Variants in KRT10 observed in about 807,000 individuals in gnomAD.
KRT10 encodes the protein keratin 10.
In KRT10, 40 loss-of-function variants were observed where a neutral mutation model predicts 59.2. The observed-to-expected ratio is 0.68, with a 90% CI of 0.52 to 0.88. KRT10 has a LOEUF of 0.88. Among genes scored for constraint, KRT10 ranks in the 40% least tolerant of loss-of-function variants. The pLI, the probability that KRT10 is intolerant of heterozygous loss-of-function variation, is 0.00. For synonymous variants in KRT10, 336 were observed against 310.7 expected (o/e 1.08, Z -0.86); for missense variants, 719 against 749.1 (o/e 0.96, Z 0.47).
At position 40,819,035 on chromosome 17, in the gene KRT10, TCCGTAGCCGCCGCCGGAACTGCCG is replaced by T. The variant is rs777775475; in HGVS notation, c.1476_1499del (p.Ser494_Gly501del). Reference sequence around the variant, plus strand: ...AGCTTCCGCCGCCGGAGCTTCCGCCTCCGTAGCCGCCGCCGGAACTGCCGCCGTGGCCGCCGCCGTGGCCGCCGC... The same window carrying T: ...AGCTTCCGCCGCCGGAGCTTCCGCCTCCGTGGCCGCCGCCGTGGCCGCCGC... On this transcript the variant is annotated inframe_deletion, in exon 7 of 8. Transcript: ENST00000269576. 29 of 1,318,676 alleles carry T rather than the reference TCCGTAGCCGCCGCCGGAACTGCCG, an allele frequency of 2.2e-5. No individual in the cohort carries two copies. In the Admixed American group the frequency reaches 2.7e-4, roughly 12 times the overall value. 81.7% of individuals were successfully genotyped at this position (1,318,676 alleles called of 1,614,324 possible).
In KRT10 at chr17:40,822,560, T is replaced by C. The variant is rs1439412846; in HGVS notation, c.26A>G (p.Lys9Arg). 1.9e-6 allele frequency: 3 copies of C among 1,603,802 alleles called. No individual in the cohort carries two copies. Among genetic ancestry groups the C allele is most frequent in the Non-Finnish European group, 2.5e-6 (3 of 1,179,956 alleles). MSVRYSSS[K>R]HYSSSRSGGG... is the part of the protein sequence containing the mutation. ...TCCACTGCGGGAGGAAGAGTAGTGCTTGCTTGAGCTGTATCGAACAGACAT... is the reference window on the plus strand; with the variant it reads ...TCCACTGCGGGAGGAAGAGTAGTGCCTGCTTGAGCTGTATCGAACAGACAT... Residue 9 changes from lysine (K) to arginine (R), a missense_variant, in exon 1 of 8, where the codon AAG becomes AGG. This residue lies in a region of KRT10 where 176 missense variants were observed against 175.7 expected (regional missense o/e 1.00). Transcript: ENST00000269576.
In KRT10 at chr17:40,818,234, A is replaced by G; in HGVS notation, c.*242T>C. The G allele has an allele frequency of 2.1e-6, 1 of 484,510 alleles. No individual in the cohort carries two copies. The allele number at this position is 484,510 out of a possible 1,614,324, so 30.0% of individuals were successfully genotyped here. A position where few individuals can be genotyped will look rare whatever the true frequency, so the allele number is the denominator to read the frequency against. On this transcript the variant is annotated 3_prime_UTR_variant, in exon 8 of 8. Transcript: ENST00000269576. ...AGTGAAAAGAAGAAATACAGAAACC[A>G]CAAAACACCTTGTAGACACCTTATT...
intron 2 of KRT10, 95 bp downstream of exon 2, chr17:40,820,939 GA>G: frequency 9.3e-6 from 10 of 1,075,950 alleles, no homozygotes; most frequent in Non-Finnish European, 1.3e-5. Context: ...GGTGAATTCA[GA>G]AAAATGTAAA....
chr17:40,818,876 G>A lies in KRT10; in HGVS notation c.1659C>T (p.Ser553=), dbSNP rs761476507. Residue 553 remains serine, a synonymous_variant, in exon 7 of 8, where the codon TCC becomes TCT. Transcript: ENST00000269576. ...GGGSSGGGSS[S]GGGYGGGSSS... ...AGCTGCCGCCGCCGTATCCGCCGCC[G>A]GAGCTGCTGCCGCCGCCGGAGCTGC... 3.3e-6 allele frequency: 5 copies of A among 1,535,688 alleles called. No individual in the cohort carries two copies. The highest frequency in any genetic ancestry group is 4.4e-6 in the Non-Finnish European group (5 of 1,146,392).
chr17:40,819,167 C>T lies in KRT10; in HGVS notation c.1374-6G>A, dbSNP rs987261296. 6.4e-6 allele frequency: 10 copies of T among 1,574,348 alleles called. No homozygotes were observed. The highest frequency in any genetic ancestry group is 8.6e-6 in the Non-Finnish European group (10 of 1,169,484). On this transcript the variant is annotated splice_polypyrimidine_tract_variant and splice_region_variant and intron_variant, in intron 6 of 7. Coordinates refer to ENST00000269576, the MANE Select transcript of KRT10 (RefSeq NM_000421.5). ...CGCGTCCGCCGCCTCCGGAACTAAA[C>T]GGGGTGAGGTCACATTCGGTTATCT...
chr17:40,818,742 G>A (rs757177461), intron 7 of KRT10, 45 bp downstream of exon 7: 2 of 1,589,534 alleles, frequency 1.3e-6, no homozygotes, highest in Non-Finnish European at 8.5e-7. Context: ...AACCATCACA[G>A]GAAGTTAAAA....
At chr17:40,818,635 C>T (rs369810696) in intron 7 of KRT10, 152 bp downstream of exon 7, 2 of 1,362,516 alleles carry the variant, frequency 1.5e-6, no homozygotes, top group Non-Finnish European at 2.0e-6. Context: ...CCATTTTTCA[C>T]GGCTGGTGTT....
At chr17:40,819,420 C>G in intron 6 of KRT10, 97 bp downstream of exon 6, 1 of 1,329,950 alleles carries the variant, frequency 7.5e-7, no homozygotes, top group Non-Finnish European at 1.1e-6. Context: ...TCCTCCCTTC[C>G]TCTCATTCTC....
rs1905206894 is a variant in KRT10, at chr17:40,819,036, C to A, written c.1499G>T (p.Gly500Val). The A allele has an allele frequency of 1.5e-6, 2 of 1,370,798 alleles. No homozygotes were observed. Among genetic ancestry groups the A allele is most frequent in the South Asian group, 3.0e-5 (2 of 66,304 alleles). The allele number at this position is 1,370,798 out of a possible 1,614,324, so 84.9% of individuals were successfully genotyped here. ...GCTTCCGCCGCCGGAGCTTCCGCCT[C>A]CGTAGCCGCCGCCGGAACTGCCGCC... ...GHGGSSGGGYGGGSSGGGSSG... is the reference protein window; with the variant it reads ...GHGGSSGGGYVGGSSGGGSSG... Residue 500 changes from glycine to valine, a missense_variant, in exon 7 of 8, where the codon GGA (glycine) becomes GTA (valine). By Grantham distance (109) the Gly-to-Val change is moderately radical. Around this residue, in one of 4 missense-constraint regions of KRT10, gnomAD observed 315 missense variants for 270.6 expected, o/e 1.16. Coordinates refer to ENST00000269576, the MANE Select transcript of KRT10 (RefSeq NM_000421.5).
Position 40,820,630 on chromosome 17 carries a change from C to T in KRT10, c.748G>A (p.Ala250Thr). Residue 250 changes from alanine to threonine, a missense_variant, in exon 3 of 8, where the codon GCT (alanine) becomes ACT (threonine). Ala to Thr is a moderately conservative substitution (Grantham distance 58, BLOSUM62 0). Transcript: ENST00000269576. ...NEVALRQSVEADINGLRRVLD... is the reference protein window; with the variant it reads ...NEVALRQSVETDINGLRRVLD... ...ACCCTACGCAGGCCGTTGATGTCAG[C>T]CTCCACGCTCTGGCGCAGAGCTACC... 6.2e-7 allele frequency: 1 copy of T among 1,614,222 alleles called. No individual in the cohort carries two copies. The highest frequency in any genetic ancestry group is 8.5e-7 in the Non-Finnish European group (1 of 1,180,040).
chr17:40,821,203 G>A, intron 1 of KRT10, 86 bp from the exon 2 acceptor site: 2 of 978,454 alleles, frequency 2.0e-6, no homozygotes, highest in Non-Finnish European at 3.3e-6. Context: ...GCACTTTTAT[G>A]TTGTTCTCTT....
At position 40,819,104 on chromosome 17, in the gene KRT10, G is replaced by GCTTCCGCCGCCGTAGCCGCCGCCGAAA. The variant is rs778920293; in HGVS notation, c.1404_1430dup (p.Phe469_Ser477dup). The GCTTCCGCCGCCGTAGCCGCCGCCGAAA allele has an allele frequency of 4.1e-6, 6 of 1,480,746 alleles. No homozygotes were observed. The highest frequency in any genetic ancestry group is 3.0e-5 in the African/African-American group (2 of 67,630). 91.7% of individuals were successfully genotyped at this position (1,480,746 alleles called of 1,614,324 possible). A position where few individuals can be genotyped will look rare whatever the true frequency, so the allele number is the denominator to read the frequency against. ...CGCCGCCGGAGCTTCCGCCGCCGGA[G>GCTTCCGCCGCCGTAGCCGCCGCCGAAA]CTTCCGCCGCCGTAGCCGCCGCCGA... On this transcript the variant is annotated inframe_insertion, in exon 7 of 8. Coordinates refer to ENST00000269576, the MANE Select transcript of KRT10 (RefSeq NM_000421.5).
At position 40,822,042 on chromosome 17, in the gene KRT10, A is replaced by G; in HGVS notation, c.544T>C (p.Tyr182His). 6.2e-7 allele frequency: 1 copy of G among 1,614,094 alleles called. No homozygotes were observed. The change falls in exon 1 of 8, where the codon TAT becomes CAT. Residue 182 changes from tyrosine (Y) to histidine (H), a missense_variant. Physicochemically the swap from Tyr to His is moderately conservative, Grantham distance 83. Around this residue, in one of 4 missense-constraint regions of KRT10, gnomAD observed 221 missense variants for 277.8 expected, o/e 0.80. Transcript: ENST00000269576. ...YELEGKIKEW[Y>H]EKHGNSHQGE... ...TGATGTGAGTTGCCATGCTTTTCATACCACTCCTTGATTTTGCCTTCCAGC... is the reference window on the plus strand; with the variant it reads ...TGATGTGAGTTGCCATGCTTTTCATGCCACTCCTTGATTTTGCCTTCCAGC...
Position 40,818,369 on chromosome 17 carries a change from A to T in KRT10, c.*107T>A. 6.6e-7 allele frequency: 1 copy of T among 1,511,822 alleles called. No individual in the cohort carries two copies. The highest frequency in any genetic ancestry group is 9.1e-7 in the Non-Finnish European group (1 of 1,094,704). 93.7% of individuals were successfully genotyped at this position (1,511,822 alleles called of 1,614,324 possible). On this transcript the variant is annotated 3_prime_UTR_variant, in exon 8 of 8. Transcript: ENST00000269576. ...TGTGAAGGGAGACTCTTTCCTCTTG[A>T]TGCAGTTTAATAGTAGTGTTTCTTG...
intron 3 of KRT10, 38 bp downstream of exon 3, chr17:40,820,473 C>A: frequency 1.2e-6 from 2 of 1,614,178 alleles, no homozygotes; most frequent in Non-Finnish European, 1.7e-6. Context: ...CCATAATGAA[C>A]TCTCTTTTGG....
rs1905213187 is a variant in KRT10, at chr17:40,819,067, C to CGCCGCCGTG, written c.1459_1467dup (p.His487_Gly489dup). The CGCCGCCGTG allele has an allele frequency of 2.8e-6, 2 of 707,890 alleles. No homozygotes were observed. 43.9% of individuals were successfully genotyped at this position (707,890 alleles called of 1,614,324 possible). Reference sequence around the variant, plus strand: ...CCGCCGCCGGAACTGCCGCCGTGGCCGCCGCCGTGGCCGCCGCCGGAGCTT... The same window carrying CGCCGCCGTG: ...CCGCCGCCGGAACTGCCGCCGTGGCCGCCGCCGTGGCCGCCGTGGCCGCCGCCGGAGCTT... On this transcript the variant is annotated inframe_insertion, in exon 7 of 8. Transcript: ENST00000269576.
chr17:40,820,205 G>A, intron 4 of KRT10, 31 bp from the exon 5 acceptor site: 1 of 1,614,102 alleles, frequency 6.2e-7, no homozygotes, highest in Non-Finnish European at 8.5e-7. Context: ...AAAAGGGTGA[G>A]GAAATTCTGA....
rs1426480004 is a variant in KRT10 at position 40,818,884 on chromosome 17, T to G, written c.1651A>C (p.Ser551Arg). 1.3e-6 allele frequency: 2 copies of G among 1,514,882 alleles called. No individual in the cohort carries two copies. The highest frequency in any genetic ancestry group is 3.0e-5 in the African/African-American group (2 of 66,490). 93.8% of individuals were successfully genotyped at this position (1,514,882 alleles called of 1,614,324 possible). A position where few individuals can be genotyped will look rare whatever the true frequency, so the allele number is the denominator to read the frequency against. ...GYGGGSSGGG[S>R]SSGGGYGGGS... ...CCGCCGTATCCGCCGCCGGAGCTGC[T>G]GCCGCCGCCGGAGCTGCCGCCCCCG... is the stretch of plus-strand genomic sequence containing the variant. Residue 551 changes from serine to arginine, a missense_variant, in exon 7 of 8, where the codon AGC (serine) becomes CGC (arginine). Transcript: ENST00000269576.
At position 40,821,130 on chromosome 17, in the gene KRT10, G is replaced by A; in HGVS notation, c.628-13C>T. 6.3e-7 allele frequency: 1 copy of A among 1,599,252 alleles called. No homozygotes were observed. On this transcript the variant is annotated splice_polypyrimidine_tract_variant and intron_variant, in intron 1 of 7. Coordinates refer to ENST00000269576, the MANE Select transcript of KRT10 (RefSeq NM_000421.5). ...TTAGGTTGAGAATCTGGAGGGAGAGGCACAGTTATTTGAGAAGAGGTCAGA... is the reference window on the plus strand; with the variant it reads ...TTAGGTTGAGAATCTGGAGGGAGAGACACAGTTATTTGAGAAGAGGTCAGA...
Sources: gnomAD v4.1 joint callset for allele counts on GRCh38, gnomAD v4.1.1 for gene constraint, gnomAD v4.1.1 regional missense constraint, MANE v1.5 for transcripts, NCBI Gene and HGNC (gene_info 2026-07-23, HGNC 2026-07-21) for gene names.